The following HSD17B12 variants were observed in gnomAD, a reference collection of about 807,000 sequenced individuals.
The protein encoded by HSD17B12 is very-long-chain 3-oxoacyl-CoA reductase.
HSD17B12 carries 32 observed loss-of-function variants against 39.3 expected under a neutral mutation model. The ratio of observed to expected loss-of-function variants is 0.81; its 90% CI spans 0.61 to 1.09. The LOEUF (loss-of-function observed/expected upper bound fraction) is 1.09, where lower values mean the gene tolerates loss of function less well. Among genes scored for constraint, HSD17B12 ranks in the 50% least tolerant of loss-of-function variants. HSD17B12 has a pLI of 0.00. For synonymous variants in HSD17B12, 150 were observed against 146.7 expected, an observed-to-expected ratio of 1.02 and a Z score of -0.16; for missense variants, 342 against 382.9, an observed-to-expected ratio of 0.89 and a Z score of 0.89.
chr11:43,828,651 G>A (rs1951275441), intron 6 of HSD17B12, among the ~76,000 whole-genome samples: 2 of 152,160 alleles, frequency 1.3e-5, no homozygotes, highest in African/African-American at 4.8e-5. Flanking sequence ...ATCACCTGCA[G>A]ATGGCCTAAT....
chr11:43,739,518 C>A (rs1387064915), intron 1 of HSD17B12, among the ~76,000 whole-genome samples: 1 of 152,216 alleles, frequency 6.6e-6, no homozygotes, highest in African/African-American at 2.4e-5. Context: ...GGATGGCACC[C>A]TGTTGCTGCA....
chr11:43,849,410 C>G (rs1250667120), intron 9 of HSD17B12, among the ~76,000 whole-genome samples: 1 of 152,192 alleles, frequency 6.6e-6, no homozygotes, highest in Non-Finnish European at 1.5e-5. Context: ...TTTTATGACC[C>G]TCAATGTTCT....
chr11:43,614,908 A>C, the HSD17B12 span, among the ~76,000 whole-genome samples: 1 of 152,072 alleles, frequency 6.6e-6, no homozygotes, highest in African/African-American at 2.4e-5. Flanking sequence ...TAAAGTCCTT[A>C]AATACTAATT....
the HSD17B12 span, among the ~76,000 whole-genome samples, chr11:43,623,084 T>C: frequency 6.6e-6 from 1 of 151,960 alleles, no homozygotes; most frequent in Non-Finnish European, 1.5e-5. Context: ...AAAGGAAAAA[T>C]AGTGTTGCTC....
chr11:43,785,062 G>C (rs1314950896), intron 3 of HSD17B12, among the ~76,000 whole-genome samples: 1 of 151,306 alleles, frequency 6.6e-6, no homozygotes, highest in Non-Finnish European at 1.5e-5. Context: ...TGCTTAGGCT[G>C]CTGACAGTGT....
chr11:43,614,697 C>A, the HSD17B12 span, among the ~76,000 whole-genome samples: 1 of 152,060 alleles, frequency 6.6e-6, no homozygotes, highest in Non-Finnish European at 1.5e-5. Context: ...TTTTAACTTT[C>A]TGTGCTTTAT....
At chr11:43,631,991 A>C in the HSD17B12 span, among the ~76,000 whole-genome samples, 1 of 151,886 alleles carries the variant, frequency 6.6e-6, no homozygotes, top group Non-Finnish European at 1.5e-5. Context: ...GTTACTACTG[A>C]GCAGAGTGTG....
intron 1 of HSD17B12, among the ~76,000 whole-genome samples, chr11:43,718,206 T>C (rs1487474765): frequency 1.3e-5 from 2 of 152,248 alleles, no homozygotes; most frequent in Non-Finnish European, 2.9e-5. Context: ...GTCAAGTTCC[T>C]ATAGCGAAGT....
In HSD17B12 at chr11:43,728,940, T is replaced by C. The variant is rs1950244725; in HGVS notation, c.161-21971T>C. ...TATAATATAGATATAAATAAGGGTA[T>C]AAAAGATTAGTATGCACCATAATTA... On this transcript the variant is annotated intron_variant, in intron 1 of 10. Transcript: ENST00000278353. Among the ~76,000 whole-genome samples the C allele has an allele frequency of 2.0e-5, 3 of 152,260 alleles. No individual in the cohort carries two copies. In the South Asian group the frequency reaches 6.2e-4, roughly 32 times the overall value.
At chr11:43,630,996 G>T in the HSD17B12 span, among the ~76,000 whole-genome samples, 1 of 151,954 alleles carries the variant, frequency 6.6e-6, no homozygotes, top group Admixed American at 6.6e-5. Flanking sequence ...GTAGAGATGG[G>T]TTTTTGCCAT....
chr11:43,671,240 T>C, the HSD17B12 span, among the ~76,000 whole-genome samples: 1 of 152,144 alleles, frequency 6.6e-6, no homozygotes, highest in South Asian at 2.1e-4. Context: ...TCTTGGCTCC[T>C]GGGTTCAAGC....
chr11:43,767,870 C>T (rs191528760), intron 3 of HSD17B12, among the ~76,000 whole-genome samples: 2 of 152,316 alleles, frequency 1.3e-5, no homozygotes, highest in Non-Finnish European at 2.9e-5. Context: ...AATCATTCTG[C>T]AATACCTGAT....
At chr11:43,774,401 G>A (rs1950679095) in intron 3 of HSD17B12, among the ~76,000 whole-genome samples, 1 of 151,970 alleles carries the variant, frequency 6.6e-6, no homozygotes, top group Non-Finnish European at 1.5e-5. Flanking sequence ...TTTTAGTAGA[G>A]GCAGGGTTTT....
At chr11:43,844,790 A>T (rs1273695046) in intron 9 of HSD17B12, among the ~76,000 whole-genome samples, 1 of 152,212 alleles carries the variant, frequency 6.6e-6, no homozygotes, top group African/African-American at 2.4e-5. Flanking sequence ...TAAAAAAATT[A>T]TTTGGAAATA....
chr11:43,705,504 A>G (rs1950004452), intron 1 of HSD17B12, among the ~76,000 whole-genome samples: 1 of 152,136 alleles, frequency 6.6e-6, no homozygotes, highest in African/African-American at 2.4e-5. Context: ...AGGACTGGCT[A>G]TGAAGTGAGG....
At chr11:43,578,915 G>A in the HSD17B12 span, 1 of 152,052 alleles carries the variant, frequency 6.6e-6, no homozygotes, top group African/African-American at 2.4e-5. Context: ...TAATTCAATG[G>A]TAGCGGTGTA....
At chr11:43,723,946 T>G (rs1447375097) in intron 1 of HSD17B12, 1 of 142,820 alleles carries the variant, frequency 7.0e-6, no homozygotes, top group African/African-American at 2.6e-5. Context: ...TTCATACAAC[T>G]GTTTGGAGGA....
At chr11:43,591,182 A>T in the HSD17B12 span, among the ~76,000 whole-genome samples, 4 of 152,202 alleles carry the variant, frequency 2.6e-5, no homozygotes, top group Admixed American at 2.6e-4. Flanking sequence ...CATTTATAAT[A>T]CAAATATTAA....
At chr11:43,599,175 G>A in the HSD17B12 span, among the ~76,000 whole-genome samples, 1 of 152,086 alleles carries the variant, frequency 6.6e-6, no homozygotes. Context: ...TCACCTAATG[G>A]TAATGATGGT....
Sources: allele counts gnomAD v4.1 joint callset (sites outside exome capture counted in the v4.1 genomes callset), GRCh38; gene constraint gnomAD v4.1.1; transcripts MANE v1.5; gene names NCBI Gene and HGNC (gene_info 2026-07-23, HGNC 2026-07-21).